PREX2: variants seen among roughly 807,000 people sequenced by gnomAD.
PREX2 encodes the protein phosphatidylinositol-3,4,5-trisphosphate dependent Rac exchange factor 2, also known as phosphatidylinositol 3,4,5-trisphosphate-dependent Rac exchanger 2 protein.
PREX2 carries 107 observed loss-of-function variants against 203.2 expected under a neutral mutation model. The ratio of observed to expected loss-of-function variants is 0.53; its 90% CI spans 0.45 to 0.62. The LOEUF is 0.62. Among genes scored for constraint, PREX2 ranks in the 20% least tolerant of loss-of-function variants. The pLI is 0.00. For synonymous variants in PREX2, 672 were observed against 663.6 expected (o/e 1.01, Z -0.19); for missense variants, 1,777 against 1,955.9 (o/e 0.91, Z 1.72).
intron 6 of PREX2, among the ~76,000 whole-genome samples, chr8:68,036,588 A>C (rs1585725849): frequency 6.7e-6 from 1 of 149,872 alleles, no homozygotes; most frequent in East Asian, 1.9e-4. Flanking sequence ...AAGTACATGA[A>C]ATTCTGTAAT....
intron 6 of PREX2, among the ~76,000 whole-genome samples, chr8:68,033,093 G>A (rs1356851600): frequency 6.6e-6 from 1 of 152,112 alleles, no homozygotes; most frequent in African/African-American, 2.4e-5. Flanking sequence ...TTAATCAAAT[G>A]AAAGCTTTTG....
intron 35 of PREX2, among the ~76,000 whole-genome samples, chr8:68,174,310 G>A (rs1055933235): frequency 6.6e-6 from 1 of 152,132 alleles, no homozygotes; most frequent in Non-Finnish European, 1.5e-5. Context: ...CTCATGATTT[G>A]TGTAAAGAAT....
At chr8:68,164,770 C>T (rs1311348308) in intron 35 of PREX2, among the ~76,000 whole-genome samples, 1 of 151,690 alleles carries the variant, frequency 6.6e-6, no homozygotes, top group African/African-American at 2.4e-5. Context: ...TTAGTAGAGG[C>T]AGGGTTTCTC....
rs75892181 is a variant in PREX2, at chr8:68,102,637, G to A, written c.2715+2794G>A. Reference sequence around the variant, plus strand: ...CAACATATTTTTCTTCCTGATGAAGGCTTTAACACTCTTCTTTTTGTGAAA... The same window carrying A: ...CAACATATTTTTCTTCCTGATGAAGACTTTAACACTCTTCTTTTTGTGAAA... On this transcript the variant is annotated intron_variant, in intron 23 of 39. Transcript: ENST00000288368. 2.0e-4 allele frequency among the ~76,000 whole-genome samples: 31 copies of A among 152,184 alleles called. 1 individual carries two copies. The East Asian group carries it at 5.6e-3, about 28-fold the overall frequency.
intron 6 of PREX2, among the ~76,000 whole-genome samples, chr8:68,036,616 C>A (rs1808040552): frequency 6.6e-6 from 1 of 151,666 alleles, no homozygotes; most frequent in Non-Finnish European, 1.5e-5. Context: ...TTCTCCAAAT[C>A]TTCATTTGTA....
In PREX2 at chr8:68,232,365, T is replaced by C. The variant is rs2129615688; in HGVS notation, c.*987T>C. The C allele has an allele frequency of 6.9e-6, 1 of 144,550 alleles. No homozygotes were observed. Among genetic ancestry groups the C allele is most frequent in the Middle Eastern group, 3.5e-3 (1 of 282 alleles). 9.0% of individuals were successfully genotyped at this position (144,550 alleles called of 1,614,324 possible). On this transcript the variant is annotated 3_prime_UTR_variant, in exon 40 of 40. Transcript: ENST00000288368. ...TGAAAATAAGGCTTTATTTGTACTTTAAAAGGACCATTAGGGGACTTGTAA... is the reference window on the plus strand; with the variant it reads ...TGAAAATAAGGCTTTATTTGTACTTCAAAAGGACCATTAGGGGACTTGTAA...
Position 68,080,814 on chromosome 8 carries a change from G to T in PREX2, c.1854G>T (p.Leu618Phe), listed in dbSNP as rs760583258. 2.6e-6 allele frequency: 4 copies of T among 1,531,074 alleles called. No individual in the cohort carries two copies. Among genetic ancestry groups the T allele is most frequent in the Non-Finnish European group, 3.6e-6 (4 of 1,110,082 alleles). The allele number at this position is 1,531,074 out of a possible 1,614,324, so 94.8% of individuals were successfully genotyped here. ...AAAATAAAGTTCCAATAATAAAGTT[G>T]GTAGAAAAGGGATCTAATGCTGAGG... ...EDKNKVPIIKLVEKGSNAEMA... is the reference protein window; with the variant it reads ...EDKNKVPIIKFVEKGSNAEMA... The change falls in exon 17 of 40, where the codon TTG becomes TTT. Residue 618 changes from leucine (L) to phenylalanine (F), a missense_variant. Transcript: ENST00000288368.
At chr8:68,043,372 G>A (rs1000683762) in intron 7 of PREX2, among the ~76,000 whole-genome samples, 1 of 150,446 alleles carries the variant, frequency 6.6e-6, no homozygotes, top group Non-Finnish European at 1.5e-5. Context: ...CTTGAGGACA[G>A]CTAAGTCAGG....
At chr8:68,008,032 G>A (rs1457160540) in intron 1 of PREX2, among the ~76,000 whole-genome samples, 2 of 152,138 alleles carry the variant, frequency 1.3e-5, no homozygotes, top group Admixed American at 6.5e-5. Context: ...TTACTTGTAT[G>A]GTCACACATC....
chr8:67,978,117 A>G (rs1052231706), intron 1 of PREX2, among the ~76,000 whole-genome samples: 4 of 152,012 alleles, frequency 2.6e-5, no homozygotes, highest in Admixed American at 1.3e-4. Flanking sequence ...CGAGCCCTCA[A>G]CCTGTGGAAT....
rs1302684736 is a variant in PREX2 at position 68,077,593 on chromosome 8, GC to G, written c.1642+126del. ...GAGCCAGCAAGACTGTCTGGGTCTTGCCATGGGTTCAGGTTGGGTCACCACA... is the reference window on the plus strand; with the variant it reads ...GAGCCAGCAAGACTGTCTGGGTCTTGCATGGGTTCAGGTTGGGTCACCACA... On this transcript the variant is annotated intron_variant, in intron 15 of 39. Transcript: ENST00000288368. 3.9e-6 allele frequency: 3 copies of G among 760,734 alleles called. No homozygotes were observed. In the African/African-American group the frequency reaches 5.1e-5, roughly 13 times the overall value. The allele number at this position is 760,734 out of a possible 1,614,324, so 47.1% of individuals were successfully genotyped here.
At chr8:68,099,341 A>G (rs935035954) in intron 22 of PREX2, among the ~76,000 whole-genome samples, 2 of 152,130 alleles carry the variant, frequency 1.3e-5, no homozygotes, top group South Asian at 2.1e-4. Context: ...TGACTAAAAT[A>G]TAGAAGTGTC....
In PREX2 at chr8:68,146,162, G is replaced by A. The variant is rs753111829; in HGVS notation, c.4088-47G>A. On this transcript the variant is annotated intron_variant, in intron 33 of 39. Transcript: ENST00000288368. ...TGAAAGTTAACAAAAGTACCATCTA[G>A]CATATCCTTATTTTAGGAAGTAATA... 8 of 1,353,606 alleles carry A rather than the reference G, an allele frequency of 5.9e-6. No homozygotes were observed. The South Asian group carries it at 7.4e-5, about 13-fold the overall frequency. The allele number at this position is 1,353,606 out of a possible 1,614,324, so 83.8% of individuals were successfully genotyped here.
chr8:68,090,926 G>T (rs1480513667), intron 20 of PREX2, among the ~76,000 whole-genome samples: 1 of 152,054 alleles, frequency 6.6e-6, no homozygotes, highest in Admixed American at 6.5e-5. Flanking sequence ...TTACAGTACC[G>T]CCATCTGTTT....
Position 68,096,549 on chromosome 8 carries a change from C to T in PREX2, c.2369-468C>T, listed in dbSNP as rs187282902. On this transcript the variant is annotated intron_variant, in intron 21 of 39. Coordinates refer to ENST00000288368, the MANE Select transcript of PREX2 (RefSeq NM_024870.4). Reference sequence around the variant, plus strand: ...TCTCTGTAAGTTGCTGTTTGGGAAACTGCAGGCACCCTGTCTGCCAAAATA... The same window carrying T: ...TCTCTGTAAGTTGCTGTTTGGGAAATTGCAGGCACCCTGTCTGCCAAAATA... Among the ~76,000 whole-genome samples, 103 of 152,202 alleles carry T rather than the reference C, an allele frequency of 6.8e-4. No individual in the cohort carries two copies. The Middle Eastern group carries it at 0.01, about 15-fold the overall frequency.
chr8:68,183,101 A>G (rs969743216), intron 35 of PREX2, among the ~76,000 whole-genome samples: 4 of 152,088 alleles, frequency 2.6e-5, no homozygotes, highest in African/African-American at 9.7e-5. Flanking sequence ...ATGCTTGGCT[A>G]AAATGTGAGG....
chr8:68,069,466 G>T (rs1057137428), intron 12 of PREX2, among the ~76,000 whole-genome samples: 1 of 150,924 alleles, frequency 6.6e-6, no homozygotes, highest in Admixed American at 6.6e-5. Context: ...TGTAATGTCA[G>T]ATTTTGTACA....
intron 19 of PREX2, among the ~76,000 whole-genome samples, chr8:68,088,044 C>T (rs13439464): frequency 0.011 from 1,698 of 152,108 alleles, 15 homozygotes; most frequent in Non-Finnish European, 0.019. Context: ...TCTCACTTTT[C>T]TGCATCCTTC....
At chr8:68,017,774 T>C in intron 1 of PREX2, 72 bp from the exon 2 acceptor site, 1 of 1,288,160 alleles carries the variant, frequency 7.8e-7, no homozygotes, top group Non-Finnish European at 1.1e-6. Flanking sequence ...AGAAATTAGT[T>C]TAATTCTACT....
Sources: gnomAD v4.1 joint callset for allele counts (sites outside exome capture counted in the v4.1 genomes callset) on GRCh38, gnomAD v4.1.1 for gene constraint, MANE v1.5 for transcripts, NCBI Gene and HGNC (gene_info 2026-07-23, HGNC 2026-07-21) for gene names.